PPP3CC: variants seen among roughly 807,000 people sequenced by gnomAD.
PPP3CC encodes the protein serine/threonine-protein phosphatase 2B catalytic subunit gamma isoform.
Under a neutral mutation model 60.3 loss-of-function variants are expected in PPP3CC, and 35 were observed. The observed-to-expected ratio is 0.58, with a 90% CI of 0.44 to 0.77. PPP3CC has a LOEUF of 0.77. PPP3CC is among the 30% of genes least tolerant of loss of function. The pLI is 0.00. For missense variants in PPP3CC, 570 were observed against 628.9 expected (o/e 0.91, Z 1.00); for synonymous variants, 206 against 224.3 (o/e 0.92, Z 0.73).
chr8:22,449,848 G>T (rs1447005961), intron 1 of PPP3CC, among the ~76,000 whole-genome samples: 1 of 151,332 alleles, frequency 6.6e-6, no homozygotes, highest in Non-Finnish European at 1.5e-5. Context: ...CTATTTTGAT[G>T]ACTGTTATTT....
At chr8:22,447,915 T>C (rs1836880614) in intron 1 of PPP3CC, among the ~76,000 whole-genome samples, 1 of 152,224 alleles carries the variant, frequency 6.6e-6, no homozygotes, top group South Asian at 2.1e-4. Context: ...CTGGACAAGA[T>C]AATGTATTTC....
intron 4 of PPP3CC, among the ~76,000 whole-genome samples, chr8:22,510,253 TC>T (rs544631965): frequency 6.2e-5 from 9 of 144,118 alleles, no homozygotes; most frequent in African/African-American, 2.3e-4. Flanking sequence ...CCTCAAGCAA[TC>T]CCCCGACCTC....
rs1427526323 is a variant in PPP3CC, at chr8:22,540,697, A to G, written c.1434A>G (p.Pro478=). 1.5e-5 allele frequency: 24 copies of G among 1,614,014 alleles called. No individual in the cohort carries two copies. The Admixed American group carries it at 3.7e-4, about 25-fold the overall frequency. The change falls in exon 14 of 14, where the codon CCA becomes CCG. Residue 478 remains proline (P), a synonymous_variant. Transcript: ENST00000240139. ...RGLDRINERM[P]PRKDSIHAGG... is the part of the protein sequence containing the mutation. ...TGGACCGAATTAATGAGCGAATGCCACCCCGAAAGGATAGCATACACGCTG... is the reference window on the plus strand; with the variant it reads ...TGGACCGAATTAATGAGCGAATGCCGCCCCGAAAGGATAGCATACACGCTG...
At chr8:22,448,542 G>A (rs1294906245) in intron 1 of PPP3CC, among the ~76,000 whole-genome samples, 2 of 151,914 alleles carry the variant, frequency 1.3e-5, no homozygotes, top group African/African-American at 4.8e-5. Context: ...ACCGCACTGG[G>A]CTAATTTTAT....
At chr8:22,451,033 G>T (rs1356951591) in intron 1 of PPP3CC, among the ~76,000 whole-genome samples, 1 of 149,236 alleles carries the variant, frequency 6.7e-6, no homozygotes, top group African/African-American at 2.5e-5. Context: ...TAGAGATGGG[G>T]TTTCACCGTG....
Position 22,506,926 on chromosome 8 carries a change from ATAAAT to A in PPP3CC, c.485-4156_485-4152del, listed in dbSNP as rs1381353494. Among the ~76,000 whole-genome samples, 8 of 150,594 alleles carry A rather than the reference ATAAAT, an allele frequency of 5.3e-5. No individual in the cohort carries two copies. The South Asian group carries it at 6.3e-4, about 12-fold the overall frequency. Reference sequence around the variant, plus strand: ...CACTGCACTCCAGTCTCTCAAATAAATAAATTAATTAATTAATTAATTAAATTAAA... The same window carrying A: ...CACTGCACTCCAGTCTCTCAAATAAATAATTAATTAATTAATTAAATTAAA... On this transcript the variant is annotated intron_variant, in intron 4 of 13. Coordinates refer to ENST00000240139, the MANE Select transcript of PPP3CC (RefSeq NM_005605.5).
chr8:22,504,551 G>T (rs912747703), intron 4 of PPP3CC, among the ~76,000 whole-genome samples: 1 of 152,108 alleles, frequency 6.6e-6, no homozygotes, highest in African/African-American at 2.4e-5. Context: ...TTCCGCCTTA[G>T]CCTCCCAGAG....
intron 3 of PPP3CC, among the ~76,000 whole-genome samples, chr8:22,483,375 C>T (rs1838127315): frequency 1.3e-5 from 2 of 152,206 alleles, no homozygotes; most frequent in Admixed American, 1.3e-4. Context: ...CAGGCTCCGC[C>T]TCCAGGGTTC....
At chr8:22,539,914 T>C (rs550388585) in intron 13 of PPP3CC, among the ~76,000 whole-genome samples, 1 of 152,360 alleles carries the variant, frequency 6.6e-6, no homozygotes, top group South Asian at 2.1e-4. Context: ...TTTAGTTCAA[T>C]TCATTTCTGA....
chr8:22,511,132 A>G lies in PPP3CC; in HGVS notation c.531A>G (p.Thr177=). 2.5e-6 allele frequency: 4 copies of G among 1,614,124 alleles called. No individual in the cohort carries two copies. The highest frequency in any genetic ancestry group is 3.4e-6 in the Non-Finnish European group (4 of 1,179,960). The change falls in exon 5 of 14, where the codon ACA becomes ACG. Residue 177 remains threonine (T), a synonymous_variant. Transcript: ENST00000240139. ...AGGTGTATGATGCCTGTATGGAGAC[A>G]TTTGACTGTCTTCCTCTTGCTGCCC... The part of the protein sequence containing the change: ...SEQVYDACME[T]FDCLPLAALL...
chr8:22,499,886 TTA>T (rs896190324), intron 4 of PPP3CC, among the ~76,000 whole-genome samples: 2 of 152,208 alleles, frequency 1.3e-5, no homozygotes, highest in Admixed American at 1.3e-4. Flanking sequence ...CACCTGAGAT[TTA>T]TGTGTATTTA....
chr8:22,475,884 C>T (rs184757295), intron 3 of PPP3CC, among the ~76,000 whole-genome samples: 187 of 152,202 alleles, frequency 1.2e-3, no homozygotes, highest in African/African-American at 4.3e-3. Context: ...AACTTTTCCT[C>T]TTGAAGATAG....
chr8:22,482,614 C>T (rs997929482), intron 3 of PPP3CC, among the ~76,000 whole-genome samples: 2 of 152,158 alleles, frequency 1.3e-5, no homozygotes, highest in Non-Finnish European at 2.9e-5. Context: ...TTGCCCATGC[C>T]TATGTCCTGA....
At chr8:22,468,900 C>A (rs1048295070) in intron 1 of PPP3CC, among the ~76,000 whole-genome samples, 1 of 152,196 alleles carries the variant, frequency 6.6e-6, no homozygotes, top group Non-Finnish European at 1.5e-5. Flanking sequence ...TGAACCTGGG[C>A]AGGCTTGTGA....
At chr8:22,489,402 C>T (rs1838312990) in intron 3 of PPP3CC, among the ~76,000 whole-genome samples, 1 of 151,368 alleles carries the variant, frequency 6.6e-6, no homozygotes, top group Admixed American at 6.6e-5. Flanking sequence ...CCCCAGTATA[C>T]ACATGCTTCT....
intron 1 of PPP3CC, among the ~76,000 whole-genome samples, chr8:22,462,525 AT>A (rs1837391163): frequency 6.6e-6 from 1 of 151,238 alleles, no homozygotes; most frequent in African/African-American, 2.4e-5. Context: ...GATGGTAGAC[AT>A]TTTGGCCTCT....
intron 8 of PPP3CC, among the ~76,000 whole-genome samples, chr8:22,525,411 C>G (rs1012213329): frequency 6.6e-6 from 1 of 151,686 alleles, no homozygotes; most frequent in African/African-American, 2.4e-5. Flanking sequence ...TACTGTTGCT[C>G]TTCTTTCTCT....
intron 10 of PPP3CC, among the ~76,000 whole-genome samples, chr8:22,531,901 G>A (rs1318550912): frequency 6.6e-6 from 1 of 152,178 alleles, no homozygotes; most frequent in African/African-American, 2.4e-5. Flanking sequence ...TTCTTTGTGA[G>A]GTTTGTTTAT....
At chr8:22,445,915 T>C (rs1836807077) in intron 1 of PPP3CC, among the ~76,000 whole-genome samples, 1 of 152,212 alleles carries the variant, frequency 6.6e-6, no homozygotes, top group Non-Finnish European at 1.5e-5. Flanking sequence ...ATCTGGAACC[T>C]CTGAAAGGGC....
Sources: gnomAD v4.1 joint callset for allele counts (sites outside exome capture counted in the v4.1 genomes callset) on GRCh38, gnomAD v4.1.1 for gene constraint, MANE v1.5 for transcripts, NCBI Gene and HGNC (gene_info 2026-07-23, HGNC 2026-07-21) for gene names.